The following DOCK3 variants were observed in gnomAD, a reference collection of about 807,000 sequenced individuals.
DOCK3 encodes the protein dedicator of cytokinesis 3.
Under a neutral mutation model 265.6 loss-of-function variants are expected in DOCK3, and 60 were observed. That is an observed-to-expected ratio of 0.23 (90% CI 0.18 to 0.28). The LOEUF is 0.28. Ranked by LOEUF, DOCK3 falls within the 10% of genes least tolerant of loss-of-function variation. The pLI, the probability that DOCK3 is intolerant of heterozygous loss-of-function variation, is 1.00. For missense variants in DOCK3, 1,981 were observed against 2,594.3 expected, an observed-to-expected ratio of 0.76 and a Z score of 5.14; for synonymous variants, 881 against 938.0, an observed-to-expected ratio of 0.94 and a Z score of 1.11.
chr3:51,120,501 G>A (rs1300891482), intron 9 of DOCK3, among the ~76,000 whole-genome samples: 6 of 152,208 alleles, frequency 3.9e-5, no homozygotes, highest in Non-Finnish European at 8.8e-5. Flanking sequence ...ACCGTGCTGG[G>A]AGATTGCTGC....
intron 1 of DOCK3, among the ~76,000 whole-genome samples, chr3:50,757,163 CTTTT>C (rs34435343): frequency 3.8e-4 from 31 of 81,628 alleles, no homozygotes; most frequent in East Asian, 8.8e-4. Context: ...AGATTGTCGT[CTTTT>C]TTTTTTTTTT....
intron 1 of DOCK3, among the ~76,000 whole-genome samples, chr3:50,776,443 T>C (rs1029419842): frequency 1.3e-5 from 2 of 152,178 alleles, no homozygotes; most frequent in African/African-American, 4.8e-5. Context: ...TTTTTTTTTC[T>C]TGCTGATTTG....
At chr3:51,150,860 G>A (rs915735047) in intron 10 of DOCK3, among the ~76,000 whole-genome samples, 10 of 152,146 alleles carry the variant, frequency 6.6e-5, no homozygotes, top group African/African-American at 2.4e-5. Context: ...GGTCCACTTG[G>A]TGCAGAGCTG....
rs2082542973 is a variant in DOCK3 at position 51,089,244 on chromosome 3, A to G, written c.551A>G (p.His184Arg). The G allele has an allele frequency of 6.2e-7, 1 of 1,607,634 alleles. No individual in the cohort carries two copies. Among genetic ancestry groups the G allele is most frequent in the Non-Finnish European group, 8.5e-7 (1 of 1,176,864 alleles). Residue 184 changes from histidine (H) to arginine (R), a missense_variant and splice_region_variant, in exon 8 of 53, where the codon CAT becomes CGT. By Grantham distance (29) the His-to-Arg change is conservative. Coordinates refer to ENST00000266037, the MANE Select transcript of DOCK3 (RefSeq NM_004947.5). Reference sequence around the variant, plus strand: ...ATTTTTCTTTCCTTCTTTCCATAGCATTTATCTAGCCGGCAGAGTGTACAG... The same window carrying G: ...ATTTTTCTTTCCTTCTTTCCATAGCGTTTATCTAGCCGGCAGAGTGTACAG... ...QISVSDLYKM[H>R]LSSRQSVQQS...
At chr3:51,326,936 C>T (rs776083634) in intron 32 of DOCK3, among the ~76,000 whole-genome samples, 20 of 152,074 alleles carry the variant, frequency 1.3e-4, no homozygotes, top group Non-Finnish European at 2.1e-4. Context: ...CTAATTTTAG[C>T]AACTCAGGTT....
chr3:50,990,901 G>A (rs1004598735), intron 5 of DOCK3, among the ~76,000 whole-genome samples: 3 of 152,254 alleles, frequency 2.0e-5, no homozygotes, highest in Middle Eastern at 3.4e-3. Context: ...TAACTCAAAT[G>A]TTAATCTCCT....
intron 2 of DOCK3, among the ~76,000 whole-genome samples, chr3:50,807,375 T>C (rs2106698016): frequency 6.6e-6 from 1 of 151,766 alleles, no homozygotes; most frequent in South Asian, 2.1e-4. Flanking sequence ...CAACCAGCTA[T>C]CCCAGGAACT....
intron 2 of DOCK3, among the ~76,000 whole-genome samples, chr3:50,806,552 G>A (rs1346714999): frequency 7.3e-5 from 11 of 151,388 alleles, no homozygotes; most frequent in Admixed American, 7.2e-4. Context: ...TGGCTCTCAA[G>A]GGCATGTTCA....
chr3:50,980,837 C>G (rs935567477), intron 5 of DOCK3, among the ~76,000 whole-genome samples: 1 of 151,400 alleles, frequency 6.6e-6, no homozygotes, highest in African/African-American at 2.4e-5. Flanking sequence ...TTATTTGGGT[C>G]TTCTCTCTTT....
intron 2 of DOCK3, among the ~76,000 whole-genome samples, chr3:50,819,855 A>G (rs62258672): frequency 0.047 from 7,180 of 152,240 alleles, 238 homozygotes; most frequent in Non-Finnish European, 0.073. Context: ...CCAGCTACTC[A>G]GGAGGCTGAG....
chr3:51,318,778 G>A (rs1329397859), intron 32 of DOCK3, among the ~76,000 whole-genome samples: 1 of 151,658 alleles, frequency 6.6e-6, no homozygotes, highest in African/African-American at 2.4e-5. Flanking sequence ...TTGATCCATT[G>A]GTTTTAAGAA....
intron 5 of DOCK3, among the ~76,000 whole-genome samples, chr3:51,003,088 A>G (rs1313747861): frequency 6.6e-6 from 1 of 152,224 alleles, no homozygotes; most frequent in East Asian, 1.9e-4. Flanking sequence ...CTAACATAAG[A>G]TGTTTCAGAT....
At chr3:51,327,981 C>CA (rs1261502735) in intron 32 of DOCK3, among the ~76,000 whole-genome samples, 2 of 152,036 alleles carry the variant, frequency 1.3e-5, no homozygotes, top group Non-Finnish European at 2.9e-5. Flanking sequence ...CACACCCAGC[C>CA]CCATCACCAG....
intron 3 of DOCK3, among the ~76,000 whole-genome samples, chr3:50,860,518 C>G (rs2046859625): frequency 6.6e-6 from 1 of 152,172 alleles, no homozygotes; most frequent in East Asian, 1.9e-4. Context: ...GGCTGCTGGC[C>G]CAAAGCCACT....
chr3:51,342,950 A>G (rs1243363609), intron 38 of DOCK3, among the ~76,000 whole-genome samples: 2 of 152,158 alleles, frequency 1.3e-5, no homozygotes, highest in African/African-American at 4.8e-5. Context: ...TCATCCTCAG[A>G]GGGGCAGTTA....
chr3:51,170,910 T>G (rs1044920539), intron 12 of DOCK3, among the ~76,000 whole-genome samples: 3 of 134,816 alleles, frequency 2.2e-5, no homozygotes, highest in Admixed American at 8.4e-5. Flanking sequence ...GCCACTGCAC[T>G]CCAGCCTGGC....
At chr3:51,053,752 GTTACTAT>G (rs1325890197) in intron 5 of DOCK3, among the ~76,000 whole-genome samples, 11 of 151,996 alleles carry the variant, frequency 7.2e-5, no homozygotes, top group African/African-American at 2.7e-4. Context: ...ATGTTTAGTT[GTTACTAT>G]GCCTGTGTAG....
chr3:50,888,115 T>C (rs532578500), intron 3 of DOCK3, among the ~76,000 whole-genome samples: 32 of 152,136 alleles, frequency 2.1e-4, no homozygotes, highest in East Asian at 1.2e-3. Flanking sequence ...AAAACCCCAT[T>C]GTGTCAGCCC....
rs539861246 is a variant in DOCK3, at chr3:51,342,436, G to A, written c.3915+1051G>A. Among the ~76,000 whole-genome samples, 5 of 152,342 alleles carry A rather than the reference G, an allele frequency of 3.3e-5. No individual in the cohort carries two copies. In the South Asian group the frequency reaches 1.0e-3, roughly 32 times the overall value. On this transcript the variant is annotated intron_variant, in intron 38 of 52. Coordinates refer to ENST00000266037, the MANE Select transcript of DOCK3 (RefSeq NM_004947.5). ...TGACCCAAAGCCTCTGGTCCTTGCT[G>A]ATCCAGCGCCTGACACAGAGCCCCT...
Sources: allele counts gnomAD v4.1 joint callset (sites outside exome capture counted in the v4.1 genomes callset), GRCh38; gene constraint gnomAD v4.1.1; transcripts MANE v1.5; gene names NCBI Gene and HGNC (gene_info 2026-07-23, HGNC 2026-07-21).